Variants in SVIL observed in about 807,000 individuals in gnomAD.
The protein encoded by SVIL is archvillin.
SVIL carries 101 observed loss-of-function variants against 240.4 expected under a neutral mutation model. The ratio of observed to expected loss-of-function variants is 0.42; its 90% CI spans 0.36 to 0.50. SVIL has a LOEUF of 0.50. Ranked by LOEUF, SVIL falls within the 20% of genes least tolerant of loss-of-function variation. The pLI, the probability that SVIL is intolerant of heterozygous loss-of-function variation, is 0.01. For missense variants in SVIL, 2,512 were observed against 2,818.7 expected (o/e 0.89, Z 2.46); for synonymous variants, 999 against 1,100.0 (o/e 0.91, Z 1.82).
At chr10:29,595,090 A>C (rs1045987182) in intron 1 of SVIL, among the ~76,000 whole-genome samples, 9 of 152,176 alleles carry the variant, frequency 5.9e-5, no homozygotes, top group African/African-American at 2.2e-4. Flanking sequence ...AGGAACCCAC[A>C]GTCCAAGCTA....
intron 1 of SVIL, among the ~76,000 whole-genome samples, chr10:29,718,710 T>G (rs1335674548): frequency 6.6e-6 from 1 of 152,148 alleles, no homozygotes; most frequent in Non-Finnish European, 1.5e-5. Context: ...AGTGCATGTT[T>G]CTGAGCAAAC....
chr10:29,657,479 G>A (rs1959040818), intron 3 of SVIL, among the ~76,000 whole-genome samples: 1 of 152,120 alleles, frequency 6.6e-6, no homozygotes, highest in Admixed American at 6.5e-5. Flanking sequence ...CTGTATTAGT[G>A]GTGTAGGGAG....
chr10:29,724,956 G>A (rs764964927), intron 1 of SVIL, among the ~76,000 whole-genome samples: 11 of 148,814 alleles, frequency 7.4e-5, no homozygotes, highest in Non-Finnish European at 1.2e-4. Flanking sequence ...TTCTCTGCAG[G>A]AGGCAGAGGT....
intron 1 of SVIL, among the ~76,000 whole-genome samples, chr10:29,630,641 T>C (rs1958048754): frequency 6.6e-6 from 1 of 152,110 alleles, no homozygotes; most frequent in East Asian, 1.9e-4. Flanking sequence ...GCGGCACACC[T>C]TAATTTCCCG....
intron 1 of SVIL, among the ~76,000 whole-genome samples, chr10:29,723,179 G>C (rs1964090482): frequency 6.6e-6 from 1 of 152,242 alleles, no homozygotes; most frequent in Admixed American, 6.5e-5. Context: ...AGACCAGCCT[G>C]AGCAATATAG....
chr10:29,686,827 G>A (rs1022599991), intron 1 of SVIL, among the ~76,000 whole-genome samples: 2 of 152,144 alleles, frequency 1.3e-5, no homozygotes, highest in African/African-American at 4.8e-5. Context: ...ATTTGAAACT[G>A]ACACACAATT....
chr10:29,545,229 GC>G, intron 6 of SVIL: 1 of 402,738 alleles, frequency 2.5e-6, no homozygotes, highest in Non-Finnish European at 5.0e-6. Context: ...AACTCCAAGT[GC>G]CCAGCACAAG....
At chr10:29,696,959 G>A (rs1191999561) in intron 1 of SVIL, among the ~76,000 whole-genome samples, 1 of 145,984 alleles carries the variant, frequency 6.9e-6, no homozygotes, top group African/African-American at 2.5e-5. Flanking sequence ...CCGTCCGGGA[G>A]GGAGGTGGGG....
At chr10:29,706,853 A>G (rs1589551602) in intron 1 of SVIL, among the ~76,000 whole-genome samples, 2 of 152,346 alleles carry the variant, frequency 1.3e-5, no homozygotes, top group Non-Finnish European at 2.9e-5. Flanking sequence ...TGTTTTCTGC[A>G]TATGGCTAGC....
chr10:29,638,323 A>G (rs1036088848), upstream of SVIL, among the ~76,000 whole-genome samples: 3 of 151,836 alleles, frequency 2.0e-5, no homozygotes, highest in Non-Finnish European at 2.9e-5. Flanking sequence ...TTAGCCAGGC[A>G]TGGTGGCTGG....
At chr10:29,472,952 G>C (rs1006444074) in intron 30 of SVIL, among the ~76,000 whole-genome samples, 2 of 152,166 alleles carry the variant, frequency 1.3e-5, no homozygotes, top group Non-Finnish European at 2.9e-5. Context: ...GCAGTGGTGC[G>C]GGTAACATTT....
intron 29 of SVIL, among the ~76,000 whole-genome samples, chr10:29,477,957 A>G (rs965615701): frequency 6.6e-6 from 1 of 152,220 alleles, no homozygotes; most frequent in African/African-American, 2.4e-5. Flanking sequence ...TTACTCATTC[A>G]TTCACTCACA....
intron 1 of SVIL, among the ~76,000 whole-genome samples, chr10:29,695,211 A>G (rs1010993675): frequency 5.3e-5 from 8 of 152,206 alleles, no homozygotes; most frequent in Admixed American, 6.5e-5. Context: ...CGAGCTGCTT[A>G]TTTAAAATAC....
At chr10:29,613,758 C>A (rs1957334575) in intron 1 of SVIL, among the ~76,000 whole-genome samples, 1 of 152,148 alleles carries the variant, frequency 6.6e-6, no homozygotes, top group Non-Finnish European at 1.5e-5. Context: ...CCAGAATTTT[C>A]CCTGGATGAA....
At chr10:29,633,968 G>C (rs756010754) in intron 1 of SVIL, among the ~76,000 whole-genome samples, 37 of 152,098 alleles carry the variant, frequency 2.4e-4, no homozygotes, top group Admixed American at 5.9e-4. Flanking sequence ...TATGCAAAAG[G>C]ATCACTGGTG....
intron 11 of SVIL, 29 bp downstream of exon 11, chr10:29,530,578 C>A: frequency 6.2e-7 from 1 of 1,613,704 alleles, no homozygotes; most frequent in Non-Finnish European, 8.5e-7. Context: ...CAGTAGGGAT[C>A]TCTATTCAAG....
In SVIL at chr10:29,484,053, A is replaced by C. The variant is rs1947155426; in HGVS notation, c.4955+603T>G. The C allele has an allele frequency of 6.6e-6, 1 of 152,192 alleles. No homozygotes were observed. The highest frequency in any genetic ancestry group is 2.1e-4 in the South Asian group (1 of 4,834). 9.4% of individuals were successfully genotyped at this position (152,192 alleles called of 1,614,324 possible). A position where few individuals can be genotyped will look rare whatever the true frequency, so the allele number is the denominator to read the frequency against. ...TAGGAATTATTTTTTCCAACATCAT[A>C]ATTTCTGACTTTGCACATATTCTAT... On this transcript the variant is annotated intron_variant, in intron 27 of 37. Transcript: ENST00000355867. This position sits in a 1 kb window ranked among gnomAD's most constrained non-coding sequence, Gnocchi z 4.7.
At chr10:29,500,221 G>A (rs1333217224) in intron 17 of SVIL, among the ~76,000 whole-genome samples, 6 of 138,498 alleles carry the variant, frequency 4.3e-5, no homozygotes, top group Non-Finnish European at 6.4e-5. Context: ...TGGTGGTCGC[G>A]GGCGATACCA....
intron 2 of SVIL, among the ~76,000 whole-genome samples, chr10:29,680,744 C>CTAAAAATA (rs1407582671): frequency 1.3e-5 from 2 of 152,070 alleles, no homozygotes; most frequent in East Asian, 3.9e-4. Flanking sequence ...CATAGTAAAA[C>CTAAAAATA]CCTGTCTCTA....
Sources: allele counts gnomAD v4.1 joint callset (sites outside exome capture counted in the v4.1 genomes callset), GRCh38; gene constraint gnomAD v4.1.1; non-coding constraint Gnocchi (gnomAD v3.1); transcripts MANE v1.5; gene names NCBI Gene and HGNC (gene_info 2026-07-23, HGNC 2026-07-21).